MALRD1: variants seen among roughly 807,000 people sequenced by gnomAD.
MALRD1 encodes MAM and LDL-receptor class A domain-containing protein 1.
In MALRD1, 247 loss-of-function variants were observed where a neutral mutation model predicts 242.1. The ratio of observed to expected loss-of-function variants is 1.02; its 90% CI spans 0.92 to 1.13. The LOEUF is 1.13. MALRD1 is among the 50% of genes most tolerant of loss of function. The pLI, the probability that MALRD1 is intolerant of heterozygous loss-of-function variation, is 0.00. For missense variants in MALRD1, 2,989 were observed against 2,533.1 expected (o/e 1.18, Z -3.86); for synonymous variants, 995 against 866.6 (o/e 1.15, Z -2.60).
intron 36 of MALRD1, among the ~76,000 whole-genome samples, chr10:19,667,168 G>C (rs1196457309): frequency 2.0e-5 from 3 of 152,032 alleles, no homozygotes; most frequent in Non-Finnish European, 2.9e-5. Context: ...CAAAAACTTT[G>C]GACTGAGGCC....
chr10:19,281,221 G>A lies in MALRD1; in HGVS notation c.3256+998G>A, dbSNP rs555142282. 4.9e-4 allele frequency among the ~76,000 whole-genome samples: 74 copies of A among 152,308 alleles called. 1 individual carries two copies. The Middle Eastern group carries it at 0.01, about 21-fold the overall frequency. On this transcript the variant is annotated intron_variant, in intron 20 of 39. Transcript: ENST00000454679. ...CAGTAATTAACTCAAGCTAGCCAGG[G>A]ATTTATATCATGCATCACAGATGGA... is the stretch of plus-strand genomic sequence containing the variant.
chr10:19,320,662 G>A (rs1842882908), intron 21 of MALRD1, among the ~76,000 whole-genome samples: 1 of 152,078 alleles, frequency 6.6e-6, no homozygotes, highest in Admixed American at 6.6e-5. Context: ...TTCTACAATG[G>A]TTGAACTAAT....
At chr10:19,702,794 A>G (rs192215897) in intron 38 of MALRD1, among the ~76,000 whole-genome samples, 56 of 152,338 alleles carry the variant, frequency 3.7e-4, no homozygotes, top group Middle Eastern at 6.8e-3. Flanking sequence ...AGATACACAG[A>G]ACTTCATGTA....
At chr10:19,572,735 TAGA>T (rs1293653732) in intron 33 of MALRD1, among the ~76,000 whole-genome samples, 1 of 152,118 alleles carries the variant, frequency 6.6e-6, no homozygotes, top group Non-Finnish European at 1.5e-5. Flanking sequence ...CCAATGTCCT[TAGA>T]AGAAGAAGAG....
chr10:19,582,461 A>T (rs1837179429), intron 33 of MALRD1, among the ~76,000 whole-genome samples: 1 of 143,020 alleles, frequency 7.0e-6, no homozygotes, highest in African/African-American at 2.5e-5. Context: ...TTTTCCCAGC[A>T]CCATTTATTA....
At chr10:19,598,745 G>A (rs1439641082) in intron 34 of MALRD1, among the ~76,000 whole-genome samples, 1 of 152,132 alleles carries the variant, frequency 6.6e-6, no homozygotes, top group Non-Finnish European at 1.5e-5. Flanking sequence ...AGCTGTGGGT[G>A]TAGATGAGAT....
At chr10:19,156,821 C>A (rs1181314865) in intron 12 of MALRD1, among the ~76,000 whole-genome samples, 1 of 152,062 alleles carries the variant, frequency 6.6e-6, no homozygotes, top group African/African-American at 2.4e-5. Context: ...CACTTGAGGA[C>A]ACTTAATTTT....
At chr10:19,301,607 C>G (rs929980111) in intron 21 of MALRD1, among the ~76,000 whole-genome samples, 9 of 151,782 alleles carry the variant, frequency 5.9e-5, no homozygotes, top group African/African-American at 2.2e-4. Flanking sequence ...GAAATTAACA[C>G]AGGAACAGAA....
At chr10:19,066,920 C>T (rs768939177) in intron 2 of MALRD1, 61 bp downstream of exon 2, 33 of 1,186,310 alleles carry the variant, frequency 2.8e-5, no homozygotes, top group Non-Finnish European at 3.3e-5. Flanking sequence ...CCTTCCCTCC[C>T]TTCCTTCTTC....
At chr10:19,466,280 A>G (rs562685319) in intron 29 of MALRD1, among the ~76,000 whole-genome samples, 102 of 152,148 alleles carry the variant, frequency 6.7e-4, no homozygotes, top group African/African-American at 2.3e-3. Flanking sequence ...TTGTCTTCGC[A>G]TATTGTTCCT....
rs538335690 is a variant in MALRD1, at chr10:19,670,879, A to ATT, written c.6138-21387_6138-21386dup. 3.3e-3 allele frequency among the ~76,000 whole-genome samples: 443 copies of ATT among 134,278 alleles called. 3 individuals are homozygous for ATT. The highest frequency in any genetic ancestry group is 0.011 in the African/African-American group (385 of 35,714). The allele number at this position is 134,278 out of a possible 152,430, so 88.1% of individuals were successfully genotyped here. ...ATCTTTATTTCTCAACAAAACAATC[A>ATT]TTTTTTTTTTTTTTTTTGAGATGGA... is the stretch of plus-strand genomic sequence containing the variant. On this transcript the variant is annotated intron_variant, in intron 36 of 39. Transcript: ENST00000454679.
chr10:19,638,839 T>C (rs1840263143), intron 36 of MALRD1, among the ~76,000 whole-genome samples: 1 of 152,204 alleles, frequency 6.6e-6, no homozygotes, highest in Non-Finnish European at 1.5e-5. Flanking sequence ...AAGAGACATG[T>C]CAGCAAACAG....
chr10:19,360,395 CCTCT>C (rs1459116527), intron 26 of MALRD1, among the ~76,000 whole-genome samples: 1 of 152,018 alleles, frequency 6.6e-6, no homozygotes, highest in East Asian at 1.9e-4. Flanking sequence ...AGCTCCACAG[CCTCT>C]CTCTCCTTTA....
intron 31 of MALRD1, among the ~76,000 whole-genome samples, chr10:19,523,482 G>T (rs1020698365): frequency 6.6e-6 from 1 of 152,008 alleles, no homozygotes; most frequent in Non-Finnish European, 1.5e-5. Flanking sequence ...TTGCCTTCTC[G>T]CATGACCATG....
At chr10:19,694,839 T>A (rs1833291897) in intron 38 of MALRD1, among the ~76,000 whole-genome samples, 1 of 152,256 alleles carries the variant, frequency 6.6e-6, no homozygotes, top group East Asian at 1.9e-4. Context: ...CCAACAATGA[T>A]AGACTGGATT....
chr10:19,074,620 G>C (rs58451235), intron 2 of MALRD1, among the ~76,000 whole-genome samples: 89,003 of 151,296 alleles, frequency 0.59, 27,169 homozygotes, highest in African/African-American at 0.77. Flanking sequence ...TTAACTGATA[G>C]ATATCAACAA....
At chr10:19,391,557 C>T (rs937757049) in intron 28 of MALRD1, among the ~76,000 whole-genome samples, 8 of 152,178 alleles carry the variant, frequency 5.3e-5, no homozygotes, top group African/African-American at 1.7e-4. Context: ...TATACACATT[C>T]GCTCCCTCTG....
chr10:19,530,379 AT>A (rs1564417119), intron 31 of MALRD1, among the ~76,000 whole-genome samples: 3 of 84,450 alleles, frequency 3.6e-5, no homozygotes, highest in African/African-American at 7.5e-5. Flanking sequence ...ATTTATATAA[AT>A]ATTATATATT....
At chr10:19,633,326 T>C (rs1207580153) in intron 36 of MALRD1, among the ~76,000 whole-genome samples, 1 of 152,142 alleles carries the variant, frequency 6.6e-6, no homozygotes, top group Admixed American at 6.6e-5. Context: ...AGAAGCACGG[T>C]GTAATTAACT....
Sources: allele counts gnomAD v4.1 joint callset (sites outside exome capture counted in the v4.1 genomes callset), GRCh38; gene constraint gnomAD v4.1.1; transcripts MANE v1.5; gene names NCBI Gene and HGNC (gene_info 2026-07-23, HGNC 2026-07-21).